SAMMSON: variants seen among roughly 807,000 people sequenced by gnomAD.
The protein encoded by SAMMSON is long intergenic non-protein coding RNA 1212.
chr3:70,021,494 C>T (rs2067013259), intron 3 of SAMMSON, among the ~76,000 whole-genome samples: 1 of 152,110 alleles, frequency 6.6e-6, no homozygotes, highest in Non-Finnish European at 1.5e-5. Flanking sequence ...GCTAAAAGAG[C>T]AGTCAAGAAA....
intron 4 of SAMMSON, among the ~76,000 whole-genome samples, chr3:70,146,708 A>G (rs917024780): frequency 6.6e-6 from 1 of 151,964 alleles, no homozygotes; most frequent in Non-Finnish European, 1.5e-5. Context: ...CTAACAACCT[A>G]CTTAAGAGGC....
chr3:70,427,302 T>C (rs1701377897), intron 2 of SAMMSON, among the ~76,000 whole-genome samples: 1 of 152,186 alleles, frequency 6.6e-6, no homozygotes, highest in Admixed American at 6.5e-5. Context: ...TGTGTTTTGT[T>C]AGTAGTTTCT....
intron 3 of SAMMSON, among the ~76,000 whole-genome samples, chr3:70,029,821 G>A (rs1436429387): frequency 6.6e-6 from 1 of 151,672 alleles, no homozygotes; most frequent in African/African-American, 2.4e-5. Context: ...GTCCTTTGGG[G>A]TATAATTTTA....
At chr3:70,307,304 A>G (rs78362226) in intron 7 of SAMMSON, among the ~76,000 whole-genome samples, 17,900 of 152,140 alleles carry the variant, frequency 0.12, 1,139 homozygotes, top group South Asian at 0.14. Flanking sequence ...AGGAGACACT[A>G]TAAGAAATCG....
At chr3:70,071,096 T>C (rs1359960289) in intron 3 of SAMMSON, among the ~76,000 whole-genome samples, 1 of 151,942 alleles carries the variant, frequency 6.6e-6, no homozygotes, top group Admixed American at 6.6e-5. Context: ...CTTATAGGTA[T>C]CGTATTTAGA....
At chr3:70,320,900 G>T (rs891818530) in intron 7 of SAMMSON, among the ~76,000 whole-genome samples, 5 of 152,044 alleles carry the variant, frequency 3.3e-5, no homozygotes, top group Non-Finnish European at 7.4e-5. Flanking sequence ...CATTGTGTCA[G>T]TTTCCTTATC....
At chr3:70,364,842 T>C (rs1007088816) in intron 9 of SAMMSON, among the ~76,000 whole-genome samples, 18 of 151,728 alleles carry the variant, frequency 1.2e-4, no homozygotes, top group African/African-American at 4.1e-4. Flanking sequence ...CTATCTTCCA[T>C]ATCTCTTACT....
chr3:70,210,190 A>C (rs1399654220), intron 4 of SAMMSON, among the ~76,000 whole-genome samples: 1 of 152,118 alleles, frequency 6.6e-6, no homozygotes, highest in Non-Finnish European at 1.5e-5. Flanking sequence ...TTTTGTGACA[A>C]TTTTAAGTAT....
At chr3:70,028,053 C>T (rs1305374758) in intron 3 of SAMMSON, among the ~76,000 whole-genome samples, 1 of 151,934 alleles carries the variant, frequency 6.6e-6, no homozygotes, top group African/African-American at 2.4e-5. Flanking sequence ...TCGTTGAGTC[C>T]TTCCTTCTTG....
At chr3:70,069,802 A>G (rs1354439309) in intron 3 of SAMMSON, 1 of 152,122 alleles carries the variant, frequency 6.6e-6, no homozygotes, top group Admixed American at 6.6e-5. Context: ...CAGAGCAGCA[A>G]TTTGAATATA....
chr3:70,030,063 G>C (rs2067058560), intron 3 of SAMMSON, among the ~76,000 whole-genome samples: 1 of 152,150 alleles, frequency 6.6e-6, no homozygotes, highest in South Asian at 2.1e-4. Flanking sequence ...TGTCTTGTAT[G>C]AGTGCTAGTA....
At chr3:70,165,401 T>C (rs2067632989) in intron 4 of SAMMSON, among the ~76,000 whole-genome samples, 1 of 151,856 alleles carries the variant, frequency 6.6e-6, no homozygotes, top group South Asian at 2.1e-4. Flanking sequence ...TTTGTATCCT[T>C]ATAGAAGAGG....
chr3:70,068,551 A>G (rs926983777), intron 3 of SAMMSON: 3 of 152,144 alleles, frequency 2.0e-5, no homozygotes, highest in African/African-American at 7.2e-5. Flanking sequence ...AAAATTGTAC[A>G]TAACTTGGAT....
chr3:70,295,833 A>G (rs895029851), intron 7 of SAMMSON, among the ~76,000 whole-genome samples: 8 of 152,162 alleles, frequency 5.3e-5, no homozygotes, highest in African/African-American at 1.9e-4. Flanking sequence ...ATAATACCTT[A>G]TTTTTTATGA....
At chr3:70,277,338 C>T (rs143725408) in intron 6 of SAMMSON, among the ~76,000 whole-genome samples, 151 of 152,218 alleles carry the variant, frequency 9.9e-4, no homozygotes, top group African/African-American at 3.1e-3. Context: ...CTTATGTAAA[C>T]GGAAATATCT....
intron 2 of SAMMSON, among the ~76,000 whole-genome samples, chr3:70,412,259 T>G (rs147495607): frequency 2.0e-5 from 3 of 152,160 alleles, no homozygotes; most frequent in Non-Finnish European, 2.9e-5. Flanking sequence ...ACCCCCACAT[T>G]ATGTCATATG....
intron 9 of SAMMSON, among the ~76,000 whole-genome samples, chr3:70,364,524 C>T (rs539676393): frequency 6.6e-6 from 1 of 151,926 alleles, no homozygotes; most frequent in South Asian, 2.1e-4. Flanking sequence ...CTTACTACCC[C>T]AAAGATTCCT....
At chr3:70,422,762 TA>T (rs1358525059) in intron 2 of SAMMSON, among the ~76,000 whole-genome samples, 2 of 151,350 alleles carry the variant, frequency 1.3e-5, no homozygotes, top group Non-Finnish European at 1.5e-5. Context: ...CCCATATAAA[TA>T]AAAAAAAGCA....
intron 2 of SAMMSON, among the ~76,000 whole-genome samples, chr3:70,429,903 C>A (rs1701399871): frequency 6.6e-6 from 1 of 152,158 alleles, no homozygotes; most frequent in South Asian, 2.1e-4. Context: ...AAAATCATGT[C>A]ATCTGCAAAC....
Sources: gnomAD v4.1 joint callset for allele counts (sites outside exome capture counted in the v4.1 genomes callset) on GRCh38, gnomAD v4.1.1 for gene constraint, MANE v1.5 for transcripts, NCBI Gene and HGNC (gene_info 2026-07-23, HGNC 2026-07-21) for gene names.